The following PRKN variants were observed in gnomAD, a reference collection of about 807,000 sequenced individuals.
The protein encoded by PRKN is E3 ubiquitin-protein ligase parkin.
Under a neutral mutation model 59.5 loss-of-function variants are expected in PRKN, and 56 were observed. The ratio of observed to expected loss-of-function variants is 0.94; its 90% CI spans 0.76 to 1.18. The LOEUF (loss-of-function observed/expected upper bound fraction) is 1.18, where lower values mean the gene tolerates loss of function less well. Ranked by LOEUF, PRKN falls within the 50% of genes most tolerant of loss-of-function variation. PRKN has a pLI of 0.00. For synonymous variants in PRKN, 250 were observed against 222.1 expected, an observed-to-expected ratio of 1.13 and a Z score of -1.12; for missense variants, 657 against 596.4, an observed-to-expected ratio of 1.10 and a Z score of -1.06.
At chr6:161,722,990 T>C (rs1307031325) in intron 7 of PRKN, among the ~76,000 whole-genome samples, 1 of 152,172 alleles carries the variant, frequency 6.6e-6, no homozygotes, top group African/African-American at 2.4e-5. Context: ...GCACGCTGGC[T>C]GGGCACGGTG....
chr6:162,214,630 T>G (rs75834877), intron 3 of PRKN, among the ~76,000 whole-genome samples: 1,629 of 152,294 alleles, frequency 0.011, 33 homozygotes, highest in African/African-American at 0.037. Context: ...ATTTGCAGAC[T>G]TTTATCCAGT....
intron 10 of PRKN, among the ~76,000 whole-genome samples, chr6:161,367,511 T>A (rs570361267): frequency 6.6e-6 from 1 of 152,006 alleles, no homozygotes; most frequent in Admixed American, 6.5e-5. Flanking sequence ...GCTCAAAGGT[T>A]ATGGTTTTAT....
intron 1 of PRKN, among the ~76,000 whole-genome samples, chr6:162,451,470 C>T (rs529437752): frequency 9.2e-5 from 14 of 151,736 alleles, no homozygotes; most frequent in African/African-American, 3.4e-4. Flanking sequence ...TGGCTCACTC[C>T]TAGCAATTTT....
At chr6:161,934,568 C>A (rs1779285479) in intron 6 of PRKN, among the ~76,000 whole-genome samples, 1 of 152,164 alleles carries the variant, frequency 6.6e-6, no homozygotes, top group Non-Finnish European at 1.5e-5. Flanking sequence ...TTCTGTGTCT[C>A]ATCAGAATAG....
intron 7 of PRKN, among the ~76,000 whole-genome samples, chr6:161,756,446 A>AGG (rs1562658845): frequency 1.1e-4 from 15 of 136,764 alleles, no homozygotes; most frequent in East Asian, 8.2e-4. Context: ...TGTCTCGAAA[A>AGG]AAAAAAAAAA....
chr6:161,806,053 G>A (rs932370647), intron 6 of PRKN, among the ~76,000 whole-genome samples: 1 of 152,228 alleles, frequency 6.6e-6, no homozygotes, highest in Non-Finnish European at 1.5e-5. Context: ...CTGGTGCCCA[G>A]AAGCAAAATC....
At chr6:161,694,776 A>C (rs564899052) in intron 7 of PRKN, among the ~76,000 whole-genome samples, 6 of 151,964 alleles carry the variant, frequency 3.9e-5, no homozygotes, top group Non-Finnish European at 8.8e-5. Context: ...TGAGGATGAC[A>C]GTTACAGATT....
rs1490119311 is a variant in PRKN, at chr6:161,409,695, T to C, written c.1084-22818A>G. Among the ~76,000 whole-genome samples the C allele has an allele frequency of 1.3e-5, 2 of 152,110 alleles. No individual in the cohort carries two copies. Among genetic ancestry groups the C allele is most frequent in the Non-Finnish European group, 1.5e-5 (1 of 68,026 alleles). ...ATGGAATAAGAATTTAAGACCCAATTTGAGGTCACGTGCTGCAAACCCAGT... is the reference window on the plus strand; with the variant it reads ...ATGGAATAAGAATTTAAGACCCAATCTGAGGTCACGTGCTGCAAACCCAGT... On this transcript the variant is annotated intron_variant, in intron 9 of 11. Coordinates refer to ENST00000366898, the MANE Select transcript of PRKN (RefSeq NM_004562.3). The surrounding 1 kb of genome is among the most constrained non-coding windows in gnomAD (Gnocchi z 4.6).
At chr6:162,114,880 CTT>C (rs1482317020) in intron 4 of PRKN, among the ~76,000 whole-genome samples, 1 of 152,054 alleles carries the variant, frequency 6.6e-6, no homozygotes, top group Non-Finnish European at 1.5e-5. Flanking sequence ...AATAGGAACA[CTT>C]TTACACTGTT....
rs1422832220 is a variant in PRKN, at chr6:161,419,805, C to T, written c.1084-32928G>A. Reference sequence around the variant, plus strand: ...ACTGATAGTGGCTCTGAGTAGTTCACTTACCATCTCTGAATTTCCATTTAT... The same window carrying T: ...ACTGATAGTGGCTCTGAGTAGTTCATTTACCATCTCTGAATTTCCATTTAT... On this transcript the variant is annotated intron_variant, in intron 9 of 11. Transcript: ENST00000366898. The surrounding 1 kb of genome is among the most constrained non-coding windows in gnomAD (Gnocchi z 4.1). Among the ~76,000 whole-genome samples, 1 of 152,112 alleles carries T rather than the reference C, an allele frequency of 6.6e-6. No homozygotes were observed.
intron 1 of PRKN, among the ~76,000 whole-genome samples, chr6:162,708,055 G>A (rs1778398738): frequency 6.6e-6 from 1 of 152,078 alleles, no homozygotes; most frequent in Non-Finnish European, 1.5e-5. Context: ...TCTGTAAGGG[G>A]AAAATAAACA....
intron 6 of PRKN, among the ~76,000 whole-genome samples, chr6:161,837,388 A>G (rs1792802607): frequency 6.6e-6 from 1 of 152,210 alleles, no homozygotes; most frequent in African/African-American, 2.4e-5. Flanking sequence ...GTTTTTTAAA[A>G]TTCAGTTCAC....
chr6:162,708,755 G>A (rs2128238178), intron 1 of PRKN, among the ~76,000 whole-genome samples: 1 of 152,300 alleles, frequency 6.6e-6, no homozygotes, highest in East Asian at 1.9e-4. Context: ...TAGAGTCAGA[G>A]ACCTAAAGAG....
rs1778034350 is a variant in PRKN at position 161,503,464 on chromosome 6, C to A, written c.1083+45390G>T. On this transcript the variant is annotated intron_variant, in intron 9 of 11. Transcript: ENST00000366898. This position sits in a 1 kb window ranked among gnomAD's most constrained non-coding sequence, Gnocchi z 5.1. ...CTAAATAACCTCTGCCACTAAATAA[C>A]CTTTGCCCCCACTGCACTAAGACTT... Among the ~76,000 whole-genome samples, 1 of 152,160 alleles carries A rather than the reference C, an allele frequency of 6.6e-6. No homozygotes were observed. Among genetic ancestry groups the A allele is most frequent in the African/African-American group, 2.4e-5 (1 of 41,434 alleles).
At position 162,327,509 on chromosome 6, in the gene PRKN, G is replaced by T. The variant is rs558481979; in HGVS notation, c.172-64744C>A. Among the ~76,000 whole-genome samples the T allele has an allele frequency of 4.0e-3, 602 of 151,368 alleles. 3 individuals are homozygous for T. The highest frequency in any genetic ancestry group is 6.6e-3 in the Non-Finnish European group (446 of 67,826). On this transcript the variant is annotated intron_variant, in intron 2 of 11. Coordinates refer to ENST00000366898, the MANE Select transcript of PRKN (RefSeq NM_004562.3). The stretch of plus-strand genomic sequence containing the variant: ...TTTCAATGTTAGGTTTTGAAAATGT[G>T]AGGTCCTTGACGACGGTTTTCTCTA...
chr6:161,420,583 A>G (rs967848959), intron 9 of PRKN, among the ~76,000 whole-genome samples: 6 of 151,600 alleles, frequency 4.0e-5, no homozygotes, highest in Non-Finnish European at 1.5e-5. Flanking sequence ...GTACAATAAC[A>G]TCTCACTGCA....
At chr6:162,026,128 GT>G (rs1783425292) in intron 5 of PRKN, among the ~76,000 whole-genome samples, 1 of 151,172 alleles carries the variant, frequency 6.6e-6, no homozygotes, top group African/African-American at 2.4e-5. Flanking sequence ...TCATTTCTTA[GT>G]TCTTTCAGTG....
intron 2 of PRKN, among the ~76,000 whole-genome samples, chr6:162,316,963 T>C (rs1562665394): frequency 6.6e-6 from 1 of 151,644 alleles, no homozygotes; most frequent in Non-Finnish European, 1.5e-5. Context: ...TTCATTGCAG[T>C]AAAAAAAAGA....
chr6:161,469,811 T>C (rs912366745), intron 9 of PRKN, among the ~76,000 whole-genome samples: 13 of 152,312 alleles, frequency 8.5e-5, no homozygotes, highest in Middle Eastern at 6.8e-3. Context: ...TTTTCAGCCA[T>C]GACATTTGTG....
Sources: gnomAD v4.1 joint callset for allele counts (sites outside exome capture counted in the v4.1 genomes callset) on GRCh38, gnomAD v4.1.1 for gene constraint, Gnocchi (gnomAD v3.1) non-coding constraint, MANE v1.5 for transcripts, NCBI Gene and HGNC (gene_info 2026-07-23, HGNC 2026-07-21) for gene names.